The following DPP6 variants were observed in gnomAD, a reference collection of about 807,000 sequenced individuals.
DPP6 encodes dipeptidyl peptidase like 6, also known as A-type potassium channel modulatory protein DPP6.
A neutral mutation model predicts 122.6 loss-of-function variants in DPP6; 69 were observed. The observed-to-expected ratio is 0.56, with a 90% CI of 0.46 to 0.69. The LOEUF (loss-of-function observed/expected upper bound fraction) is 0.69, where lower values mean the gene tolerates loss of function less well. Among genes scored for constraint, DPP6 ranks in the 30% least tolerant of loss-of-function variants. DPP6 has a pLI of 0.00. For missense variants in DPP6, 928 were observed against 1,116.9 expected, an observed-to-expected ratio of 0.83 and a Z score of 2.41; for synonymous variants, 418 against 433.1, an observed-to-expected ratio of 0.97 and a Z score of 0.43.
intron 1 of DPP6, among the ~76,000 whole-genome samples, chr7:153,935,369 G>A (rs539634123): frequency 1.3e-5 from 2 of 152,188 alleles, no homozygotes; most frequent in South Asian, 4.1e-4. Context: ...CAGCTGGAAA[G>A]TAGACAACTT....
chr7:154,724,800 GGAC>G (rs1317783086), intron 7 of DPP6, among the ~76,000 whole-genome samples: 1 of 152,102 alleles, frequency 6.6e-6, no homozygotes, highest in East Asian at 1.9e-4. Flanking sequence ...TATTTAACGG[GGAC>G]AGAGTTTCAG....
Position 154,261,046 on chromosome 7 carries a change from C to G in DPP6, c.244-185168C>G, listed in dbSNP as rs141410536. 7.6e-3 allele frequency among the ~76,000 whole-genome samples: 1,161 copies of G among 152,076 alleles called. 24 individuals are homozygous for G. The highest frequency in any genetic ancestry group is 0.025 in the African/African-American group (1,042 of 41,466). Reference sequence around the variant, plus strand: ...AAGTAGTTGGAACTGCAGGCACATGCCACCACGCCTGGGTAATTTTTGTAT... The same window carrying G: ...AAGTAGTTGGAACTGCAGGCACATGGCACCACGCCTGGGTAATTTTTGTAT... On this transcript the variant is annotated intron_variant, in intron 1 of 25. Coordinates refer to ENST00000377770, the MANE Select transcript of DPP6 (RefSeq NM_130797.4).
chr7:154,378,218 C>T (rs763014825), intron 1 of DPP6, among the ~76,000 whole-genome samples: 5 of 152,174 alleles, frequency 3.3e-5, no homozygotes, highest in Non-Finnish European at 5.9e-5. Context: ...TCATTTTTCA[C>T]CTATTGCCAG....
intron 1 of DPP6, among the ~76,000 whole-genome samples, chr7:153,996,875 A>G (rs927490081): frequency 6.6e-6 from 1 of 152,220 alleles, no homozygotes; most frequent in Non-Finnish European, 1.5e-5. Context: ...GAAACCAATC[A>G]TGTCTATGTA....
At chr7:154,633,704 A>C (rs532002896) in intron 5 of DPP6, among the ~76,000 whole-genome samples, 23 of 152,368 alleles carry the variant, frequency 1.5e-4, no homozygotes, top group Non-Finnish European at 3.4e-4. Context: ...GCACTCTTTA[A>C]ACAGTCATTC....
intron 1 of DPP6, among the ~76,000 whole-genome samples, chr7:153,976,029 C>T (rs944959568): frequency 5.3e-5 from 8 of 152,116 alleles, no homozygotes; most frequent in African/African-American, 9.7e-5. Context: ...TACTATCATT[C>T]TTGTTGCTAC....
chr7:154,506,677 C>T lies in DPP6; in HGVS notation c.457+31640C>T, dbSNP rs867835502. On this transcript the variant is annotated intron_variant, in intron 3 of 25. Transcript: ENST00000377770. ...TCTTTCATGGATATAATGCTAAAGGCGTAAAAAGATGATGACCCATATTAT... is the reference window on the plus strand; with the variant it reads ...TCTTTCATGGATATAATGCTAAAGGTGTAAAAAGATGATGACCCATATTAT... 3.3e-5 allele frequency among the ~76,000 whole-genome samples: 5 copies of T among 152,076 alleles called. No homozygotes were observed. The Middle Eastern group carries it at 0.01, about 310-fold the overall frequency.
At chr7:154,715,590 A>T (rs1387192) in intron 7 of DPP6, among the ~76,000 whole-genome samples, 1 of 152,016 alleles carries the variant, frequency 6.6e-6, no homozygotes, top group African/African-American at 2.4e-5. Flanking sequence ...CCCAAATGGT[A>T]CCCTGCAGCC....
At chr7:154,664,184 C>T (rs559400538) in intron 6 of DPP6, among the ~76,000 whole-genome samples, 27 of 151,526 alleles carry the variant, frequency 1.8e-4, no homozygotes, top group African/African-American at 6.1e-4. Context: ...GGCATATTGG[C>T]GCTAGTGTTC....
rs1804964603 is a variant in DPP6, at chr7:154,877,395, ATG to A, written c.2078+1300_2078+1301del. Among the ~76,000 whole-genome samples, 1 of 132,752 alleles carries A rather than the reference ATG, an allele frequency of 7.5e-6. No homozygotes were observed. Among genetic ancestry groups the A allele is most frequent in the Admixed American group, 7.8e-5 (1 of 12,836 alleles). 87.1% of individuals were successfully genotyped at this position (132,752 alleles called of 152,430 possible). A position where few individuals can be genotyped will look rare whatever the true frequency, so the allele number is the denominator to read the frequency against. On this transcript the variant is annotated intron_variant, in intron 20 of 25. Transcript: ENST00000377770. This position sits in a 1 kb window ranked among gnomAD's most constrained non-coding sequence, Gnocchi z 5.2. Reference sequence around the variant, plus strand: ...TGGAAGTCAATGACTACAACAACACATGTGTGCGTGCACACACACACACACAC... The same window carrying A: ...TGGAAGTCAATGACTACAACAACACATGTGCGTGCACACACACACACACAC...
At chr7:154,788,265 G>A (rs1418630302) in intron 10 of DPP6, among the ~76,000 whole-genome samples, 1 of 152,022 alleles carries the variant, frequency 6.6e-6, no homozygotes, top group Non-Finnish European at 1.5e-5. Context: ...CCAACAAGGC[G>A]AAACCCCCTC....
In DPP6 at chr7:154,334,218, C is replaced by A. The variant is rs140317515; in HGVS notation, c.244-111996C>A. On this transcript the variant is annotated intron_variant, in intron 1 of 25. Transcript: ENST00000377770. ...AAAAAAAAAAACCTTTGCAAAGATT[C>A]TCTTTTGAGTGCTAGCTTTTCCTGA... Among the ~76,000 whole-genome samples, 18 of 151,152 alleles carry A rather than the reference C, an allele frequency of 1.2e-4. No individual in the cohort carries two copies. In the East Asian group the frequency reaches 3.5e-3, roughly 29 times the overall value.
intron 1 of DPP6, among the ~76,000 whole-genome samples, chr7:154,418,103 G>T (rs139194340): frequency 6.6e-6 from 1 of 152,140 alleles, no homozygotes; most frequent in Non-Finnish European, 1.5e-5. Context: ...TTTTCCTTCA[G>T]CCAGAAACCA....
intron 1 of DPP6, among the ~76,000 whole-genome samples, chr7:154,188,079 T>A (rs1798436604): frequency 6.6e-6 from 1 of 152,024 alleles, no homozygotes. Context: ...CGTCTTGTGG[T>A]CACGGTGGTT....
intron 1 of DPP6, among the ~76,000 whole-genome samples, chr7:154,168,389 C>T (rs1477928808): frequency 2.6e-5 from 4 of 152,158 alleles, no homozygotes; most frequent in African/African-American, 9.7e-5. Flanking sequence ...GCCTACTGGC[C>T]TACCCTGCAT....
chr7:154,121,360 G>C (rs1357444407), intron 1 of DPP6, among the ~76,000 whole-genome samples: 1 of 152,112 alleles, frequency 6.6e-6, no homozygotes, highest in Admixed American at 6.5e-5. Context: ...CAGAGTGTAG[G>C]TTGTGGATTC....
the DPP6 span, among the ~76,000 whole-genome samples, chr7:153,824,386 CAAAAAAAAAA>C: frequency 2.5e-5 from 2 of 79,442 alleles, no homozygotes; most frequent in Admixed American, 3.2e-4. Flanking sequence ...GAGTCTGTCT[CAAAAAAAAAA>C]AAAAAAAAAG....
At chr7:154,488,600 A>G (rs1824001794) in intron 3 of DPP6, among the ~76,000 whole-genome samples, 1 of 151,920 alleles carries the variant, frequency 6.6e-6, no homozygotes, top group Non-Finnish European at 1.5e-5. Context: ...TAAGTTTGAT[A>G]CTTGCCACTT....
At chr7:154,096,503 T>C (rs1238601684) in intron 1 of DPP6, among the ~76,000 whole-genome samples, 1 of 149,212 alleles carries the variant, frequency 6.7e-6, no homozygotes, top group Non-Finnish European at 1.5e-5. Context: ...CATAAGGTGC[T>C]ATTGAGGCAA....
Sources: gnomAD v4.1 joint callset for allele counts (sites outside exome capture counted in the v4.1 genomes callset) on GRCh38, gnomAD v4.1.1 for gene constraint, Gnocchi (gnomAD v3.1) non-coding constraint, MANE v1.5 for transcripts, NCBI Gene and HGNC (gene_info 2026-07-23, HGNC 2026-07-21) for gene names.